The following ADAMTS18 variants were observed in gnomAD, a reference collection of about 807,000 sequenced individuals.
The protein encoded by ADAMTS18 is ADAM metallopeptidase with thrombospondin type 1 motif 18, also known as A disintegrin and metalloproteinase with thrombospondin motifs 18.
ADAMTS18 carries 157 observed loss-of-function variants against 165.9 expected under a neutral mutation model. The ratio of observed to expected loss-of-function variants is 0.95; its 90% CI spans 0.83 to 1.08. ADAMTS18 has a LOEUF of 1.08. ADAMTS18 is among the 50% of genes least tolerant of loss of function. The pLI is 0.00. For missense variants in ADAMTS18, 2,040 were observed against 1,534.0 expected (o/e 1.33, Z -5.51); for synonymous variants, 782 against 578.2 (o/e 1.35, Z -5.06).
intron 3 of ADAMTS18, among the ~76,000 whole-genome samples, chr16:77,395,277 G>A (rs1023617569): frequency 6.6e-6 from 1 of 152,160 alleles, no homozygotes; most frequent in African/African-American, 2.4e-5. Context: ...AAAGTTCTCT[G>A]GAAAACCAGT....
intron 3 of ADAMTS18, among the ~76,000 whole-genome samples, chr16:77,371,737 A>G (rs71396108): frequency 1.1e-4 from 16 of 152,200 alleles, no homozygotes; most frequent in African/African-American, 3.6e-4. Context: ...GAAAAACTCA[A>G]AAGCACAGGC....
At chr16:77,290,958 G>A (rs897124196) in intron 21 of ADAMTS18, 11 of 432,148 alleles carry the variant, frequency 2.5e-5, no homozygotes, top group Non-Finnish European at 3.4e-5. Flanking sequence ...GGTAGTTTCC[G>A]TAGCAACAGC....
intron 17 of ADAMTS18, 136 bp from the exon 18 acceptor site, chr16:77,297,551 C>T: frequency 1.2e-6 from 1 of 851,444 alleles, no homozygotes. Context: ...TGGAACGCTT[C>T]CTTTTGATGA....
intron 3 of ADAMTS18, among the ~76,000 whole-genome samples, chr16:77,422,429 G>A (rs1053160762): frequency 2.6e-5 from 4 of 151,644 alleles, no homozygotes; most frequent in African/African-American, 9.7e-5. Context: ...GACAACAGTG[G>A]TGACATCATT....
intron 16 of ADAMTS18, among the ~76,000 whole-genome samples, chr16:77,316,227 C>T (rs1303826668): frequency 6.6e-6 from 1 of 151,164 alleles, no homozygotes; most frequent in African/African-American, 2.4e-5. Context: ...TCTTGCCTCT[C>T]CAATCACTTA....
At chr16:77,415,031 C>T (rs988279482) in intron 3 of ADAMTS18, among the ~76,000 whole-genome samples, 7 of 152,280 alleles carry the variant, frequency 4.6e-5, no homozygotes, top group African/African-American at 1.4e-4. Flanking sequence ...AGACAACTGA[C>T]ATAGAAAGTA....
At chr16:77,334,107 T>TGTTATATATTATATATATAC (rs1567490906) in intron 12 of ADAMTS18, among the ~76,000 whole-genome samples, 3 of 51,662 alleles carry the variant, frequency 5.8e-5, no homozygotes, top group Non-Finnish European at 9.9e-5. Context: ...ATATAATATA[T>TGTTATATATTATATATATAC]AGTGTTATAT....
chr16:77,286,633 A>C (rs1270858237), intron 22 of ADAMTS18, among the ~76,000 whole-genome samples: 5 of 152,132 alleles, frequency 3.3e-5, no homozygotes, highest in Admixed American at 3.3e-4. Context: ...CTCTATTTTT[A>C]TGATTTTAGG....
At chr16:77,341,856 T>G (rs2056403730) in intron 10 of ADAMTS18, 57 bp from the exon 11 acceptor site, 7 of 1,229,116 alleles carry the variant, frequency 5.7e-6, no homozygotes, top group Non-Finnish European at 8.2e-6. Context: ...AAAACAAAAA[T>G]ATTCAAAGAT....
chr16:77,304,803 CTGTG>C (rs1004294205), intron 16 of ADAMTS18, among the ~76,000 whole-genome samples: 35 of 152,156 alleles, frequency 2.3e-4, no homozygotes, highest in African/African-American at 8.4e-4. Context: ...ATTTGTATGC[CTGTG>C]TATGTGTGTT....
At chr16:77,409,384 A>G (rs1328224752) in intron 3 of ADAMTS18, among the ~76,000 whole-genome samples, 3 of 152,212 alleles carry the variant, frequency 2.0e-5, no homozygotes, top group Non-Finnish European at 2.9e-5. Context: ...AAGAAAATAG[A>G]GATAAGAAAC....
chr16:77,297,541 T>A, intron 17 of ADAMTS18, 126 bp from the exon 18 acceptor site: 1 of 983,640 alleles, frequency 1.0e-6, no homozygotes, highest in Non-Finnish European at 1.6e-6. Context: ...AAATATTTTG[T>A]GGAACGCTTC....
chr16:77,418,879 G>A (rs780564618), intron 3 of ADAMTS18, among the ~76,000 whole-genome samples: 7 of 152,154 alleles, frequency 4.6e-5, no homozygotes, highest in Admixed American at 1.3e-4. Context: ...CGCCGAGTGC[G>A]GCAGCTCACG....
At chr16:77,366,311 C>G (rs747475425) in intron 4 of ADAMTS18, among the ~76,000 whole-genome samples, 2 of 152,132 alleles carry the variant, frequency 1.3e-5, no homozygotes, top group African/African-American at 4.8e-5. Context: ...TTAATGCTAA[C>G]AATTGGGAGA....
intron 4 of ADAMTS18, among the ~76,000 whole-genome samples, chr16:77,365,648 T>C (rs769877596): frequency 1.3e-5 from 2 of 152,184 alleles, no homozygotes; most frequent in Non-Finnish European, 2.9e-5. Flanking sequence ...CATGATGCCT[T>C]TAGTTAATGG....
intron 16 of ADAMTS18, among the ~76,000 whole-genome samples, chr16:77,301,545 G>C (rs1209498999): frequency 6.6e-6 from 1 of 152,198 alleles, no homozygotes; most frequent in African/African-American, 2.4e-5. Context: ...TTTACCACTA[G>C]AACTGGGCAT....
chr16:77,334,911 A>C lies in ADAMTS18; in HGVS notation c.1859+845T>G, dbSNP rs576281187. On this transcript the variant is annotated intron_variant, in intron 12 of 22. Coordinates refer to ENST00000282849, the MANE Select transcript of ADAMTS18 (RefSeq NM_199355.4). ...ATAATATACAGTATATATACTGTAC[A>C]TTATAGTATATAGTATATATACTGT... 2.2e-5 allele frequency among the ~76,000 whole-genome samples: 3 copies of C among 138,094 alleles called. No homozygotes were observed. In the East Asian group the frequency reaches 6.2e-4, roughly 29 times the overall value. The allele number at this position is 138,094 out of a possible 152,430, so 90.6% of individuals were successfully genotyped here. A position where few individuals can be genotyped will look rare whatever the true frequency, so the allele number is the denominator to read the frequency against.
At chr16:77,314,778 A>ATATATATATATG (rs1366859577) in intron 16 of ADAMTS18, among the ~76,000 whole-genome samples, 4 of 85,512 alleles carry the variant, frequency 4.7e-5, no homozygotes, top group Non-Finnish European at 9.7e-5. Flanking sequence ...ATATATATAT[A>ATATATATATATG]TATATATAAA....
At chr16:77,362,016 G>T in intron 7 of ADAMTS18, 89 bp downstream of exon 7, 1 of 1,396,830 alleles carries the variant, frequency 7.2e-7, no homozygotes, top group Non-Finnish European at 1.0e-6. Context: ...GTTTATTAAG[G>T]AACATAAGGG....
Sources: allele counts gnomAD v4.1 joint callset (sites outside exome capture counted in the v4.1 genomes callset), GRCh38; gene constraint gnomAD v4.1.1; transcripts MANE v1.5; gene names NCBI Gene and HGNC (gene_info 2026-07-23, HGNC 2026-07-21).